Variants in CACHD1 observed in about 807,000 individuals in gnomAD.
CACHD1 encodes VWFA and cache domain-containing protein 1.
CACHD1 carries 71 observed loss-of-function variants against 138.7 expected under a neutral mutation model. The observed-to-expected ratio is 0.51, with a 90% CI of 0.42 to 0.62. The LOEUF is 0.62. Ranked by LOEUF, CACHD1 falls within the 20% of genes least tolerant of loss-of-function variation. The pLI is 0.00. For missense variants in CACHD1, 1,389 were observed against 1,625.3 expected (o/e 0.85, Z 2.50); for synonymous variants, 578 against 591.5 (o/e 0.98, Z 0.33).
At chr1:64,504,848 G>C (rs1646359316) in intron 1 of CACHD1, among the ~76,000 whole-genome samples, 1 of 152,128 alleles carries the variant, frequency 6.6e-6, no homozygotes, top group Non-Finnish European at 1.5e-5. Context: ...ATGCCTATCT[G>C]ATTGAGACAC....
In CACHD1 at chr1:64,643,036, TAAAAAAAAAAAAAAAAAAAAAA is replaced by T. The variant is rs139320316; in HGVS notation, c.1156+1081_1156+1102del. On this transcript the variant is annotated intron_variant, in intron 8 of 26. Transcript: ENST00000651257. ...CCTGGTGACAGAGCAAGACTCTGTC[TAAAAAAAAAAAAAAAAAAAAAA>T]AAAAAAAAAAAAAGCCATGTCTTGA... 3.1e-3 allele frequency among the ~76,000 whole-genome samples: 103 copies of T among 33,364 alleles called. 1 individual carries two copies. The highest frequency in any genetic ancestry group is 7.7e-3 in the African/African-American group (95 of 12,410). 21.9% of individuals were successfully genotyped at this position (33,364 alleles called of 152,430 possible).
At chr1:64,560,401 T>G (rs1646829788) in intron 2 of CACHD1, among the ~76,000 whole-genome samples, 1 of 152,126 alleles carries the variant, frequency 6.6e-6, no homozygotes, top group Admixed American at 6.6e-5. Context: ...CATGATGTAT[T>G]TCTATCATCA....
intron 8 of CACHD1, among the ~76,000 whole-genome samples, chr1:64,643,698 C>T (rs565810958): frequency 1.6e-3 from 251 of 152,212 alleles, no homozygotes; most frequent in African/African-American, 5.6e-3. Context: ...ATTAGCCAGG[C>T]GTGGTGGCGG....
Position 64,562,434 on chromosome 1 carries a change from A to T in CACHD1, c.261+11778A>T, listed in dbSNP as rs537963386. On this transcript the variant is annotated intron_variant, in intron 2 of 26. Transcript: ENST00000651257. ...CTTTTTTTTTTTTTTTTTTTGAGAC[A>T]GAGTCTTGCTCTGCCACCAGGCTGG... is the stretch of plus-strand genomic sequence containing the variant. 2.3e-5 allele frequency among the ~76,000 whole-genome samples: 3 copies of T among 132,952 alleles called. No individual in the cohort carries two copies. In the South Asian group the frequency reaches 7.1e-4, roughly 32 times the overall value. 87.2% of individuals were successfully genotyped at this position (132,952 alleles called of 152,430 possible).
At chr1:64,607,171 G>A (rs747098456) in intron 4 of CACHD1, among the ~76,000 whole-genome samples, 5 of 152,148 alleles carry the variant, frequency 3.3e-5, no homozygotes, top group Non-Finnish European at 7.3e-5. Context: ...GAGTCTTGGG[G>A]TGCTTTACTG....
At chr1:64,573,504 T>G (rs561351299) in intron 2 of CACHD1, among the ~76,000 whole-genome samples, 43 of 152,320 alleles carry the variant, frequency 2.8e-4, no homozygotes, top group African/African-American at 9.9e-4. Context: ...GCAGCTGATA[T>G]TACCTAGGAA....
chr1:64,609,022 G>A (rs138241561), intron 4 of CACHD1, among the ~76,000 whole-genome samples: 4 of 152,298 alleles, frequency 2.6e-5, no homozygotes, highest in Non-Finnish European at 5.9e-5. Flanking sequence ...TGAGAAACGG[G>A]ATTCACGGGG....
chr1:64,630,703 C>A (rs1570433008), intron 5 of CACHD1, among the ~76,000 whole-genome samples: 1 of 152,138 alleles, frequency 6.6e-6, no homozygotes, highest in South Asian at 2.1e-4. Context: ...CTCACGAGAA[C>A]AAAGGCCACC....
intron 12 of CACHD1, among the ~76,000 whole-genome samples, chr1:64,656,639 G>A (rs1331383858): frequency 6.6e-6 from 1 of 152,100 alleles, no homozygotes; most frequent in African/African-American, 2.4e-5. Context: ...AACGATGCTA[G>A]TAAATTCTGG....
intron 2 of CACHD1, among the ~76,000 whole-genome samples, chr1:64,561,311 T>C (rs186902221): frequency 2.0e-5 from 3 of 152,262 alleles, no homozygotes; most frequent in Admixed American, 2.0e-4. Flanking sequence ...AGTTATCATA[T>C]CTATTACATC....
At chr1:64,499,497 A>T (rs2100318532) in intron 1 of CACHD1, among the ~76,000 whole-genome samples, 1 of 152,330 alleles carries the variant, frequency 6.6e-6, no homozygotes, top group Middle Eastern at 3.4e-3. Flanking sequence ...GTATGATTGT[A>T]TTAGGAGATG....
rs1259220975 is a variant in CACHD1 at position 64,691,995 on chromosome 1, A to C, written c.*434A>C. Reference sequence around the variant, plus strand: ...ATGCAGATACAAATGTGTGCATTGAAGATTTCGCTTTGTTTCTTAGCGGTA... The same window carrying C: ...ATGCAGATACAAATGTGTGCATTGACGATTTCGCTTTGTTTCTTAGCGGTA... On this transcript the variant is annotated 3_prime_UTR_variant, in exon 27 of 27. Transcript: ENST00000651257. The C allele has an allele frequency of 1.1e-5, 2 of 188,670 alleles. No individual in the cohort carries two copies. The highest frequency in any genetic ancestry group is 1.1e-4 in the Admixed American group (2 of 18,836). 11.7% of individuals were successfully genotyped at this position (188,670 alleles called of 1,614,324 possible). A position where few individuals can be genotyped will look rare whatever the true frequency, so the allele number is the denominator to read the frequency against.
At chr1:64,507,164 G>C (rs1260959019) in intron 1 of CACHD1, among the ~76,000 whole-genome samples, 1 of 152,210 alleles carries the variant, frequency 6.6e-6, no homozygotes, top group Non-Finnish European at 1.5e-5. Flanking sequence ...GATAGGACCA[G>C]GAGACTGACT....
chr1:64,654,671 T>G lies in CACHD1; in HGVS notation c.1665-15T>G. On this transcript the variant is annotated splice_polypyrimidine_tract_variant and intron_variant, in intron 11 of 26. Coordinates refer to ENST00000651257, the MANE Select transcript of CACHD1 (RefSeq NM_020925.4). ...ATCTTTTGCCTGAAATATTTAATTC[T>G]GTTTGCCAACACAGCCTCCCTCTGG... 6.4e-7 allele frequency: 1 copy of G among 1,573,206 alleles called. No homozygotes were observed. Among genetic ancestry groups the G allele is most frequent in the Non-Finnish European group, 8.7e-7 (1 of 1,144,262 alleles).
intron 4 of CACHD1, among the ~76,000 whole-genome samples, chr1:64,620,990 C>A (rs1647894401): frequency 6.6e-6 from 1 of 152,232 alleles, no homozygotes; most frequent in South Asian, 2.1e-4. Context: ...ATTCACCTTC[C>A]ACTGGCCCAC....
chr1:64,493,432 T>G (rs1646289633), intron 1 of CACHD1, among the ~76,000 whole-genome samples: 1 of 152,236 alleles, frequency 6.6e-6, no homozygotes, highest in African/African-American at 2.4e-5. Context: ...TCACACATTT[T>G]ATTGGAAAAT....
chr1:64,546,320 T>G (rs1261703983), intron 1 of CACHD1, among the ~76,000 whole-genome samples: 1 of 151,352 alleles, frequency 6.6e-6, no homozygotes, highest in African/African-American at 2.4e-5. Flanking sequence ...CATTTTCTTT[T>G]CTTTTCTCTT....
chr1:64,660,553 G>A (rs1649408149), intron 13 of CACHD1, among the ~76,000 whole-genome samples: 1 of 151,220 alleles, frequency 6.6e-6, no homozygotes, highest in Non-Finnish European at 1.5e-5. Flanking sequence ...ACTTTGACAG[G>A]GAGTTTTGCT....
intron 1 of CACHD1, among the ~76,000 whole-genome samples, chr1:64,516,789 A>AT (rs1646462822): frequency 6.6e-6 from 1 of 152,114 alleles, no homozygotes; most frequent in African/African-American, 2.4e-5. Flanking sequence ...TTCTAGGGAA[A>AT]TTTTTTTCTG....
Sources: allele counts gnomAD v4.1 joint callset (sites outside exome capture counted in the v4.1 genomes callset), GRCh38; gene constraint gnomAD v4.1.1; transcripts MANE v1.5; gene names NCBI Gene and HGNC (gene_info 2026-07-23, HGNC 2026-07-21).